The following CDK17 variants were observed in gnomAD, a reference collection of about 807,000 sequenced individuals.
CDK17 encodes cyclin-dependent kinase 17.
Under a neutral mutation model 77.6 loss-of-function variants are expected in CDK17, and 24 were observed. The observed-to-expected ratio is 0.31, with a 90% CI of 0.22 to 0.44. The LOEUF is 0.44. Ranked by LOEUF, CDK17 falls within the 20% of genes least tolerant of loss-of-function variation. CDK17 has a pLI of 1.00. For synonymous variants in CDK17, 203 were observed against 210.4 expected (o/e 0.96, Z 0.30); for missense variants, 429 against 622.5 (o/e 0.69, Z 3.31).
At chr12:96,342,505 T>C (rs893067340) in intron 1 of CDK17, among the ~76,000 whole-genome samples, 1 of 151,984 alleles carries the variant, frequency 6.6e-6, no homozygotes, top group Admixed American at 6.6e-5. Context: ...GAGGTTGCAA[T>C]GAGCTAAGAT....
intron 1 of CDK17, among the ~76,000 whole-genome samples, chr12:96,343,250 A>G (rs1953149659): frequency 1.3e-5 from 2 of 152,244 alleles, no homozygotes; most frequent in Admixed American, 6.5e-5. Context: ...TAGACACTAA[A>G]AACAACCAGG....
intron 1 of CDK17, among the ~76,000 whole-genome samples, chr12:96,351,215 G>A (rs894730468): frequency 1.4e-4 from 21 of 151,992 alleles, no homozygotes; most frequent in African/African-American, 5.1e-4. Context: ...GAACACTGAT[G>A]CAACTGTAAA....
At chr12:96,282,372 C>T in intron 15 of CDK17, 137 bp downstream of exon 15, 1 of 590,646 alleles carries the variant, frequency 1.7e-6, no homozygotes, top group Non-Finnish European at 3.0e-6. Context: ...CACCTCCCTT[C>T]AAGAAATTCT....
intron 1 of CDK17, among the ~76,000 whole-genome samples, chr12:96,338,107 T>A (rs1953071211): frequency 6.6e-6 from 1 of 152,222 alleles, no homozygotes; most frequent in African/African-American, 2.4e-5. Context: ...CAGGAGAGGC[T>A]GGAGACTGAG....
intron 6 of CDK17, among the ~76,000 whole-genome samples, chr12:96,299,326 G>A (rs781674626): frequency 1.3e-5 from 2 of 151,868 alleles, no homozygotes; most frequent in African/African-American, 4.8e-5. Flanking sequence ...GAGACTGATG[G>A]ACACTAATTG....
At chr12:96,311,550 AC>A (rs1952645236) in intron 4 of CDK17, among the ~76,000 whole-genome samples, 1 of 94,154 alleles carries the variant, frequency 1.1e-5, no homozygotes. Flanking sequence ...CTTGTATGCA[AC>A]ATGGGGAAAG....
intron 1 of CDK17, among the ~76,000 whole-genome samples, chr12:96,391,598 T>C (rs1954069907): frequency 6.6e-6 from 1 of 152,154 alleles, no homozygotes; most frequent in Non-Finnish European, 1.5e-5. Context: ...GCCAGTTTTT[T>C]TCGGTTAAAC....
At position 96,370,144 on chromosome 12, in the gene CDK17, CA is replaced by C. The variant is rs1477607773; in HGVS notation, c.-30+29841del. 9.3e-4 allele frequency among the ~76,000 whole-genome samples: 142 copies of C among 152,222 alleles called. 1 individual carries two copies. The highest frequency in any genetic ancestry group is 1.9e-4 in the Non-Finnish European group (13 of 68,000). On this transcript the variant is annotated intron_variant, in intron 1 of 16. Transcript: ENST00000261211. ...GTTTAGGATATTCTGCAAATTTAAC[CA>C]AAATGTATGTGAGAAAATTGGAACA...
At chr12:96,339,983 A>G (rs1179806996) in intron 1 of CDK17, among the ~76,000 whole-genome samples, 1 of 152,058 alleles carries the variant, frequency 6.6e-6, no homozygotes, top group Non-Finnish European at 1.5e-5. Flanking sequence ...ATGTTTAAGT[A>G]AAAAAATCAC....
intron 2 of CDK17, among the ~76,000 whole-genome samples, chr12:96,327,414 A>G (rs1952905958): frequency 6.6e-6 from 1 of 152,208 alleles, no homozygotes; most frequent in South Asian, 2.1e-4. Context: ...GATGGAGGGA[A>G]GCAGGCAGAT....
chr12:96,363,844 G>A (rs1953538570), intron 1 of CDK17, among the ~76,000 whole-genome samples: 1 of 152,186 alleles, frequency 6.6e-6, no homozygotes, highest in African/African-American at 2.4e-5. Context: ...ACGAGACTCT[G>A]TCTCAAAACA....
intron 1 of CDK17, among the ~76,000 whole-genome samples, chr12:96,361,996 T>C (rs1274636831): frequency 1.3e-5 from 2 of 152,212 alleles, no homozygotes; most frequent in Non-Finnish European, 2.9e-5. Context: ...TTGCCTGAGA[T>C]GTACTTAGTC....
intron 5 of CDK17, among the ~76,000 whole-genome samples, chr12:96,307,152 G>A (rs1176628410): frequency 6.6e-6 from 1 of 152,074 alleles, no homozygotes; most frequent in Non-Finnish European, 1.5e-5. Flanking sequence ...AAAATTAGCC[G>A]GGTGTGGTGG....
chr12:96,372,002 AGTGTGTGTTTGT>A (rs1014990099), intron 1 of CDK17, among the ~76,000 whole-genome samples: 7 of 42,078 alleles, frequency 1.7e-4, no homozygotes, highest in East Asian at 7.0e-4. Flanking sequence ...TGTGTGAGTG[AGTGTGTGTTTGT>A]GTGTGTGTGT....
At chr12:96,323,294 A>G (rs761399140) in intron 3 of CDK17, among the ~76,000 whole-genome samples, 5 of 150,530 alleles carry the variant, frequency 3.3e-5, no homozygotes, top group African/African-American at 1.2e-4. Context: ...ACAAAAACAA[A>G]CAAACAAACA....
chr12:96,297,357 T>G (rs768401336), intron 8 of CDK17, 25 bp from the exon 9 acceptor site: 1 of 1,467,032 alleles, frequency 6.8e-7, no homozygotes, highest in Non-Finnish European at 9.5e-7. Flanking sequence ...CACTCTGCTA[T>G]GTGATACACC....
intron 1 of CDK17, among the ~76,000 whole-genome samples, chr12:96,366,216 ACT>A (rs757043981): frequency 6.6e-6 from 1 of 152,064 alleles, no homozygotes; most frequent in Non-Finnish European, 1.5e-5. Context: ...TTATTAACAA[ACT>A]CTTTTTGAGA....
intron 1 of CDK17, among the ~76,000 whole-genome samples, chr12:96,377,065 T>C (rs962833552): frequency 9.9e-5 from 15 of 152,192 alleles, no homozygotes; most frequent in Admixed American, 9.8e-4. Flanking sequence ...CTGAATCACC[T>C]ATATGGCCAC....
chr12:96,366,235 C>T lies in CDK17; in HGVS notation c.-29-31370G>A, dbSNP rs1030902637. ...TAACAAACTCTTTTTGAGAACAGTA[C>T]TGGCAAGTGTTAGACATTCCACCAG... On this transcript the variant is annotated intron_variant, in intron 1 of 16. Transcript: ENST00000261211. Among the ~76,000 whole-genome samples the T allele has an allele frequency of 5.3e-5, 8 of 152,192 alleles. No individual in the cohort carries two copies. The East Asian group carries it at 1.3e-3, about 26-fold the overall frequency.
Sources: allele counts gnomAD v4.1 joint callset (sites outside exome capture counted in the v4.1 genomes callset), GRCh38; gene constraint gnomAD v4.1.1; transcripts MANE v1.5; gene names NCBI Gene and HGNC (gene_info 2026-07-23, HGNC 2026-07-21).